Variants in GALNT13 observed in about 807,000 individuals in gnomAD.
GALNT13 encodes the protein polypeptide N-acetylgalactosaminyltransferase 13, also known as UDP-GalNAc:polypeptide N-acetylgalactosaminyltransferase 13.
A neutral mutation model predicts 64.2 loss-of-function variants in GALNT13; 28 were observed. The ratio of observed to expected loss-of-function variants is 0.44; its 90% CI spans 0.32 to 0.60. The LOEUF (loss-of-function observed/expected upper bound fraction) is 0.60, where lower values mean the gene tolerates loss of function less well. Ranked by LOEUF, GALNT13 falls within the 20% of genes least tolerant of loss-of-function variation. The pLI, the probability that GALNT13 is intolerant of heterozygous loss-of-function variation, is 0.05. For missense variants in GALNT13, 577 were observed against 669.8 expected (o/e 0.86, Z 1.53); for synonymous variants, 214 against 224.6 (o/e 0.95, Z 0.42).
At chr2:153,379,173 C>T in the GALNT13 span, among the ~76,000 whole-genome samples, 1 of 152,098 alleles carries the variant, frequency 6.6e-6, no homozygotes, top group Non-Finnish European at 1.5e-5. Flanking sequence ...ATGAGCCAAG[C>T]TCATTTTGAA....
chr2:153,956,953 T>C (rs1692609952), intron 3 of GALNT13, among the ~76,000 whole-genome samples: 1 of 152,212 alleles, frequency 6.6e-6, no homozygotes, highest in Non-Finnish European at 1.5e-5. Context: ...CTAGTCACCA[T>C]TTAAAGCCAT....
chr2:153,879,935 A>G (rs1237832341), intron 1 of GALNT13, among the ~76,000 whole-genome samples: 1 of 152,202 alleles, frequency 6.6e-6, no homozygotes, highest in Non-Finnish European at 1.5e-5. Flanking sequence ...GCCTCTAATT[A>G]GACCAAAACA....
the GALNT13 span, among the ~76,000 whole-genome samples, chr2:153,768,620 G>A: frequency 6.6e-5 from 10 of 152,132 alleles, no homozygotes; most frequent in East Asian, 3.9e-4. Flanking sequence ...ATCCCAGCAC[G>A]TTGGGAGGCC....
chr2:154,377,529 C>A (rs1244719815), intron 9 of GALNT13, among the ~76,000 whole-genome samples: 1 of 152,134 alleles, frequency 6.6e-6, no homozygotes, highest in Non-Finnish European at 1.5e-5. Context: ...GGAAGAACCG[C>A]TCATAGGCTT....
At chr2:154,214,564 T>C (rs1230346756) in intron 4 of GALNT13, among the ~76,000 whole-genome samples, 1 of 152,110 alleles carries the variant, frequency 6.6e-6, no homozygotes, top group Non-Finnish European at 1.5e-5. Flanking sequence ...AATTGAATCA[T>C]GGAGGTGGTT....
upstream of GALNT13, among the ~76,000 whole-genome samples, chr2:153,867,209 C>T (rs963758891): frequency 2.6e-5 from 4 of 152,158 alleles, no homozygotes; most frequent in Non-Finnish European, 5.9e-5. Flanking sequence ...TGCTTTCCCA[C>T]CCACAATGGG....
intron 9 of GALNT13, among the ~76,000 whole-genome samples, chr2:154,359,810 A>T (rs1486893909): frequency 2.0e-5 from 3 of 152,142 alleles, no homozygotes; most frequent in Non-Finnish European, 2.9e-5. Context: ...GGGTATGTAA[A>T]GGTTTACTCA....
chr2:154,450,541 T>C lies in GALNT13; in HGVS notation c.1661T>C (p.Leu554Ser). Residue 554 changes from leucine (L) to serine (S), a missense_variant, in exon 13 of 13, where the codon TTG (leucine) becomes TCG (serine). Physicochemically the swap from Leu to Ser is moderately radical, Grantham distance 145. Coordinates refer to ENST00000392825, the MANE Select transcript of GALNT13 (RefSeq NM_052917.4). The stretch of plus-strand genomic sequence containing the variant: ...CAGTGGCTGCTAAGGAACATGACCT[T>C]GGGCACATGAAGATCATGTCCTCCA... ...SQQWLLRNMT[L>S]GT The C allele has an allele frequency of 1.2e-6, 2 of 1,603,378 alleles. No individual in the cohort carries two copies. Among genetic ancestry groups the C allele is most frequent in the Non-Finnish European group, 1.7e-6 (2 of 1,176,368 alleles).
At chr2:154,239,232 G>A (rs180950126) in intron 4 of GALNT13, among the ~76,000 whole-genome samples, 30 of 152,120 alleles carry the variant, frequency 2.0e-4, no homozygotes, top group African/African-American at 6.5e-4. Flanking sequence ...CGAAATATCT[G>A]CTTTTAGTTT....
intron 2 of GALNT13, among the ~76,000 whole-genome samples, chr2:153,930,382 T>A (rs375449449): frequency 1.3e-5 from 2 of 152,196 alleles, no homozygotes; most frequent in East Asian, 1.9e-4. Context: ...GCTTTTGGCA[T>A]CTTCATCATG....
chr2:153,711,776 C>T, the GALNT13 span, among the ~76,000 whole-genome samples: 3 of 152,070 alleles, frequency 2.0e-5, no homozygotes, highest in African/African-American at 7.2e-5. Flanking sequence ...AATAAGGGTC[C>T]ATCCCCTCTA....
At chr2:153,496,014 A>G in the GALNT13 span, among the ~76,000 whole-genome samples, 1 of 152,228 alleles carries the variant, frequency 6.6e-6, no homozygotes, top group Non-Finnish European at 1.5e-5. Context: ...ACCAAAGGTT[A>G]TAGCCCTGCC....
intron 3 of GALNT13, among the ~76,000 whole-genome samples, chr2:153,959,911 C>T (rs910020777): frequency 7.9e-5 from 12 of 152,124 alleles, no homozygotes; most frequent in African/African-American, 2.7e-4. Flanking sequence ...GAGAGTTGGG[C>T]CCCACACAAA....
the GALNT13 span, among the ~76,000 whole-genome samples, chr2:153,515,949 C>T: frequency 6.6e-6 from 1 of 152,144 alleles, no homozygotes; most frequent in Non-Finnish European, 1.5e-5. Context: ...TAATATCTTA[C>T]CAAAGGGCCA....
intron 3 of GALNT13, among the ~76,000 whole-genome samples, chr2:154,094,161 A>G (rs1574488413): frequency 2.0e-5 from 3 of 151,968 alleles, no homozygotes; most frequent in African/African-American, 7.2e-5. Flanking sequence ...TACTCAGTGT[A>G]GTTGGGCAGC....
intron 3 of GALNT13, among the ~76,000 whole-genome samples, chr2:154,115,250 C>CAA (rs1703222015): frequency 6.6e-6 from 1 of 152,118 alleles, no homozygotes. Context: ...CATATTTTAG[C>CAA]TAACTAAGCA....
intron 9 of GALNT13, among the ~76,000 whole-genome samples, chr2:154,372,681 G>A (rs551977183): frequency 2.9e-4 from 44 of 151,988 alleles, no homozygotes; most frequent in African/African-American, 9.6e-4. Context: ...TTAGCTAGCC[G>A]AAAAAGACAT....
chr2:153,396,523 T>G, the GALNT13 span, among the ~76,000 whole-genome samples: 1 of 152,062 alleles, frequency 6.6e-6, no homozygotes, highest in Non-Finnish European at 1.5e-5. Context: ...TAAACATATG[T>G]TACAGTGTGT....
At chr2:153,558,335 C>T in the GALNT13 span, among the ~76,000 whole-genome samples, 3 of 152,152 alleles carry the variant, frequency 2.0e-5, no homozygotes, top group Non-Finnish European at 2.9e-5. Context: ...CTGCTTGAGC[C>T]TCAGGCCACT....
Sources: allele counts gnomAD v4.1 joint callset (sites outside exome capture counted in the v4.1 genomes callset), GRCh38; gene constraint gnomAD v4.1.1; transcripts MANE v1.5; gene names NCBI Gene and HGNC (gene_info 2026-07-23, HGNC 2026-07-21).